The following RPTOR variants were observed in gnomAD, a reference collection of about 807,000 sequenced individuals.
RPTOR encodes regulatory-associated protein of mTOR.
Under a neutral mutation model 169.9 loss-of-function variants are expected in RPTOR, and 21 were observed. The ratio of observed to expected loss-of-function variants is 0.12; its 90% CI spans 0.09 to 0.18. The LOEUF is 0.18. Ranked by LOEUF, RPTOR falls within the 10% of genes least tolerant of loss-of-function variation. RPTOR has a pLI of 1.00. For missense variants in RPTOR, 1,133 were observed against 1,855.9 expected (o/e 0.61, Z 7.16); for synonymous variants, 732 against 753.2 (o/e 0.97, Z 0.46).
chr17:80,937,938 A>G (rs1458940507), intron 24 of RPTOR, among the ~76,000 whole-genome samples: 1 of 152,116 alleles, frequency 6.6e-6, no homozygotes, highest in Non-Finnish European at 1.5e-5. Flanking sequence ...GGTTGTCCTG[A>G]CACAGACACT....
Position 80,633,458 on chromosome 17 carries a change from T to A in RPTOR, c.265+7665T>A, listed in dbSNP as rs1258268857. ...TCCGTGACCCTCCTCACCCTGGCGC[T>A]TGAAGGTGGCAGTCTCTTTGTTTTG... On this transcript the variant is annotated intron_variant, in intron 2 of 33. Transcript: ENST00000306801. This position sits in a 1 kb window ranked among gnomAD's most constrained non-coding sequence, Gnocchi z 4.1. Among the ~76,000 whole-genome samples the A allele has an allele frequency of 6.6e-6, 1 of 152,242 alleles. No homozygotes were observed. Among genetic ancestry groups the A allele is most frequent in the Non-Finnish European group, 1.5e-5 (1 of 68,038 alleles).
intron 1 of RPTOR, among the ~76,000 whole-genome samples, chr17:80,582,885 T>C (rs185315367): frequency 1.3e-5 from 2 of 151,770 alleles, no homozygotes; most frequent in African/African-American, 4.8e-5. Context: ...TTTTCACAAT[T>C]TTTAGTCTCT....
At chr17:80,672,111 T>C (rs1183551607) in intron 3 of RPTOR, among the ~76,000 whole-genome samples, 1 of 152,224 alleles carries the variant, frequency 6.6e-6, no homozygotes, top group Non-Finnish European at 1.5e-5. Flanking sequence ...GTGTTCTGAC[T>C]CGGATACTGG....
chr17:80,810,169 T>A (rs1176778027), intron 7 of RPTOR, among the ~76,000 whole-genome samples: 7 of 152,184 alleles, frequency 4.6e-5, no homozygotes, highest in Admixed American at 4.6e-4. Flanking sequence ...TTATGATTTG[T>A]ACTTTCTGTG....
In RPTOR at chr17:80,726,012, G is replaced by A. The variant is rs1195486542; in HGVS notation, c.508-4548G>A. ...CATCTAGGTGTGGGGGTGGCTGGGT[G>A]GTGCTGCGGAAGATTGTGTGGTGCA... On this transcript the variant is annotated intron_variant, in intron 4 of 33. Transcript: ENST00000306801. The surrounding 1 kb of genome is among the most constrained non-coding windows in gnomAD (Gnocchi z 4.5). Among the ~76,000 whole-genome samples, 1 of 152,172 alleles carries A rather than the reference G, an allele frequency of 6.6e-6. No homozygotes were observed.
intron 11 of RPTOR, among the ~76,000 whole-genome samples, chr17:80,849,896 G>T (rs971935830): frequency 6.6e-6 from 1 of 152,208 alleles, no homozygotes; most frequent in Admixed American, 6.5e-5. Flanking sequence ...TCGGCAGCTC[G>T]CCCGGAACTC....
chr17:80,950,835 T>C (rs936142937), intron 28 of RPTOR, among the ~76,000 whole-genome samples: 1 of 152,236 alleles, frequency 6.6e-6, no homozygotes, highest in Non-Finnish European at 1.5e-5. Flanking sequence ...AGATCACTGT[T>C]TGATAGGCTT....
At chr17:80,937,642 G>A (rs2068970611) in intron 24 of RPTOR, among the ~76,000 whole-genome samples, 1 of 152,228 alleles carries the variant, frequency 6.6e-6, no homozygotes, top group South Asian at 2.1e-4. Context: ...TTACAGGGAG[G>A]CTCAGCCTGC....
At chr17:80,907,890 C>T (rs917563673) in intron 20 of RPTOR, among the ~76,000 whole-genome samples, 8 of 152,200 alleles carry the variant, frequency 5.3e-5, no homozygotes, top group African/African-American at 1.9e-4. Context: ...CCTTCACTTC[C>T]TAGCCCACTG....
At chr17:80,611,741 A>G (rs994804272) in intron 1 of RPTOR, among the ~76,000 whole-genome samples, 1 of 143,952 alleles carries the variant, frequency 6.9e-6, no homozygotes, top group African/African-American at 2.6e-5. Context: ...TGTTTCAATA[A>G]CATCTTTTAT....
At chr17:80,924,788 C>T (rs1482781534) in intron 23 of RPTOR, among the ~76,000 whole-genome samples, 1 of 152,234 alleles carries the variant, frequency 6.6e-6, no homozygotes, top group Admixed American at 6.5e-5. Context: ...ACCCCTGGTG[C>T]CCAGCCTCAC....
intron 8 of RPTOR, among the ~76,000 whole-genome samples, 153 bp downstream of exon 8, chr17:80,822,454 T>A (rs1306937768): frequency 6.6e-6 from 1 of 151,988 alleles, no homozygotes; most frequent in African/African-American, 2.4e-5. Context: ...GGCGACCACC[T>A]AAGGAGGTGT....
At position 80,695,824 on chromosome 17, in the gene RPTOR, G is replaced by T. The variant is rs1024860530; in HGVS notation, c.349-12017G>T. 6.6e-6 allele frequency among the ~76,000 whole-genome samples: 1 copy of T among 152,220 alleles called. No homozygotes were observed. Among genetic ancestry groups the T allele is most frequent in the Non-Finnish European group, 1.5e-5 (1 of 68,040 alleles). On this transcript the variant is annotated intron_variant, in intron 3 of 33. Transcript: ENST00000306801. The surrounding 1 kb of genome is among the most constrained non-coding windows in gnomAD (Gnocchi z 4.9). Reference sequence around the variant, plus strand: ...GCACCAAGGCCAGGGAGGAGCGTTGGGGGTGGCTGGAGCTGGTGGGCCAAG... The same window carrying T: ...GCACCAAGGCCAGGGAGGAGCGTTGTGGGTGGCTGGAGCTGGTGGGCCAAG...
intron 7 of RPTOR, chr17:80,801,613 GGAAAA>G (rs2067158663): frequency 6.6e-6 from 1 of 152,182 alleles, no homozygotes. Context: ...ATGTTTGAAA[GGAAAA>G]CTATCAAAAG....
chr17:80,545,877 C>A, intron 1 of RPTOR, 86 bp downstream of exon 1: 2 of 1,170,310 alleles, frequency 1.7e-6, no homozygotes, highest in Non-Finnish European at 1.2e-6. Context: ...CTTGGGAAAG[C>A]GCCGACATTT....
At chr17:80,658,804 G>C (rs1481173255) in intron 3 of RPTOR, among the ~76,000 whole-genome samples, 1 of 152,144 alleles carries the variant, frequency 6.6e-6, no homozygotes, top group African/African-American at 2.4e-5. Flanking sequence ...CCAAATTCTT[G>C]ATTCCATTGT....
chr17:80,741,076 G>C (rs2066477977), intron 5 of RPTOR, among the ~76,000 whole-genome samples: 1 of 152,208 alleles, frequency 6.6e-6, no homozygotes, highest in Non-Finnish European at 1.5e-5. Context: ...CTTGCACACT[G>C]CTGGTGGGAA....
At chr17:80,698,968 G>A (rs2066060330) in intron 3 of RPTOR, among the ~76,000 whole-genome samples, 1 of 152,200 alleles carries the variant, frequency 6.6e-6, no homozygotes, top group South Asian at 2.1e-4. Flanking sequence ...TCAGGCGCCC[G>A]TGATTCCCCC....
At chr17:80,787,981 T>C (rs1175926101) in intron 6 of RPTOR, among the ~76,000 whole-genome samples, 2 of 152,200 alleles carry the variant, frequency 1.3e-5, no homozygotes. Context: ...ACTTCATAGA[T>C]CCCCTTCAGC....
Sources: gnomAD v4.1 joint callset for allele counts (sites outside exome capture counted in the v4.1 genomes callset) on GRCh38, gnomAD v4.1.1 for gene constraint, Gnocchi (gnomAD v3.1) non-coding constraint, MANE v1.5 for transcripts, NCBI Gene and HGNC (gene_info 2026-07-23, HGNC 2026-07-21) for gene names.